The following GNAI1 variants were observed in gnomAD, a reference collection of about 807,000 sequenced individuals.
GNAI1 encodes the protein G protein subunit alpha i1.
A neutral mutation model predicts 38.9 loss-of-function variants in GNAI1; 11 were observed. The observed-to-expected ratio is 0.28, with a 90% confidence interval of 0.18 to 0.47. GNAI1 has a LOEUF of 0.47. Ranked by LOEUF, GNAI1 falls within the 20% of genes least tolerant of loss-of-function variation. GNAI1 has a pLI of 0.99. For synonymous variants in GNAI1, 166 were observed against 145.1 expected (o/e 1.14, Z -1.04); for missense variants, 317 against 436.9 (o/e 0.73, Z 2.45).
chr7:80,204,866 C>T (rs1488887997), intron 5 of GNAI1, among the ~76,000 whole-genome samples: 5 of 152,266 alleles, frequency 3.3e-5, no homozygotes, highest in Non-Finnish European at 5.9e-5. Context: ...AACAAAACTT[C>T]TGTATTTTCA....
chr7:80,183,366 G>T (rs894841661), intron 1 of GNAI1, among the ~76,000 whole-genome samples: 9 of 152,048 alleles, frequency 5.9e-5, no homozygotes, highest in African/African-American at 2.2e-4. Flanking sequence ...AAAGAGAAAG[G>T]ATTTTAAATG....
chr7:80,155,267 T>C lies in GNAI1; in HGVS notation c.118+19989T>C, dbSNP rs535019094. On this transcript the variant is annotated intron_variant, in intron 1 of 7. Transcript: ENST00000649796. ...ATATTAATCAAACACAGGAATTATTTTGGTTTTTGGATATTTTAATCAACA... is the reference window on the plus strand; with the variant it reads ...ATATTAATCAAACACAGGAATTATTCTGGTTTTTGGATATTTTAATCAACA... Among the ~76,000 whole-genome samples, 10 of 152,314 alleles carry C rather than the reference T, an allele frequency of 6.6e-5. No individual in the cohort carries two copies. In the East Asian group the frequency reaches 1.2e-3, roughly 18 times the overall value.
intron 4 of GNAI1, among the ~76,000 whole-genome samples, chr7:80,201,249 TGAG>T (rs1361072057): frequency 2.6e-5 from 4 of 152,216 alleles, no homozygotes; most frequent in South Asian, 2.1e-4. Context: ...GTCACTATGA[TGAG>T]AAGATTGCTT....
chr7:80,137,293 C>CTTTTTTTTTTTTCTTTTTTT, intron 1 of GNAI1, among the ~76,000 whole-genome samples: 1 of 95,260 alleles, frequency 1.0e-5, no homozygotes, highest in South Asian at 3.8e-4. Flanking sequence ...TTTCTTTTTT[C>CTTTTTTTTTTTTCTTTTTTT]TTTTTTTTTT....
rs1491060762 is a variant in GNAI1, at chr7:80,219,059, G to GTGTGTT, written c.*1567_*1568insGTGTTT. 6.6e-6 allele frequency: 1 copy of GTGTGTT among 151,424 alleles called. No homozygotes were observed. Among genetic ancestry groups the GTGTGTT allele is most frequent in the Non-Finnish European group, 1.5e-5 (1 of 67,944 alleles). The allele number at this position is 151,424 out of a possible 1,614,324, so 9.4% of individuals were successfully genotyped here. A position where few individuals can be genotyped will look rare whatever the true frequency, so the allele number is the denominator to read the frequency against. On this transcript the variant is annotated 3_prime_UTR_variant, in exon 8 of 8. Coordinates refer to ENST00000649796, the MANE Select transcript of GNAI1 (RefSeq NM_002069.6). ...TGTGTGTGTGTGTGTGTGTGTGTGT[G>GTGTGTT]TAACCATAAACTATATTCATATCTG... is the stretch of plus-strand genomic sequence containing the variant.
At position 80,204,455 on chromosome 7, in the gene GNAI1, G is replaced by A. The variant is rs114651663; in HGVS notation, c.590+623G>A. On this transcript the variant is annotated intron_variant, in intron 5 of 7. Transcript: ENST00000649796. ...CCAGTTCCCTCATTTTAAGATGAAC[G>A]AGGCTCAGGAAAGTTTAGTAAAATA... Among the ~76,000 whole-genome samples, 491 of 152,188 alleles carry A rather than the reference G, an allele frequency of 3.2e-3. 4 individuals are homozygous for A. The highest frequency in any genetic ancestry group is 0.011 in the African/African-American group (464 of 41,534).
At chr7:80,185,712 C>T (rs532116572) in intron 1 of GNAI1, among the ~76,000 whole-genome samples, 5 of 152,230 alleles carry the variant, frequency 3.3e-5, no homozygotes, top group African/African-American at 7.2e-5. Context: ...CGATGTGCAG[C>T]GTTACACTCC....
intron 1 of GNAI1, among the ~76,000 whole-genome samples, chr7:80,181,338 TATA>T (rs1236186255): frequency 6.6e-6 from 1 of 152,162 alleles, no homozygotes; most frequent in African/African-American, 2.4e-5. Flanking sequence ...CTTAGGGACT[TATA>T]AACACAAACT....
At chr7:80,189,672 A>C (rs950500378) in intron 3 of GNAI1, among the ~76,000 whole-genome samples, 2 of 152,214 alleles carry the variant, frequency 1.3e-5, no homozygotes, top group Non-Finnish European at 2.9e-5. Flanking sequence ...ACAGTATAAA[A>C]GTTTGCTTAT....
At chr7:80,195,414 T>C (rs1001611545) in intron 3 of GNAI1, among the ~76,000 whole-genome samples, 1 of 151,942 alleles carries the variant, frequency 6.6e-6, no homozygotes, top group African/African-American at 2.4e-5. Flanking sequence ...AAGACATTTT[T>C]ACTTTGATTA....
rs1283103970 is a variant in GNAI1, at chr7:80,221,909, G to T, written c.*4416G>T. 6.6e-6 allele frequency among the ~76,000 whole-genome samples: 1 copy of T among 151,850 alleles called. No homozygotes were observed. Among genetic ancestry groups the T allele is most frequent in the African/African-American group, 2.4e-5 (1 of 41,358 alleles). On this transcript the variant is annotated 3_prime_UTR_variant, in exon 8 of 8. Transcript: ENST00000649796. The stretch of plus-strand genomic sequence containing the variant: ...ACCGCCTCGGCCTCCCAAAGTGCTG[G>T]GATTACAGACGTGAGCCACTGCGCC...
intron 1 of GNAI1, among the ~76,000 whole-genome samples, chr7:80,173,276 T>C (rs1225608726): frequency 6.6e-6 from 1 of 152,224 alleles, no homozygotes; most frequent in African/African-American, 2.4e-5. Context: ...TTTTATATCT[T>C]GTCTAAATAT....
At chr7:80,147,748 A>G (rs1195858229) in intron 1 of GNAI1, among the ~76,000 whole-genome samples, 1 of 152,194 alleles carries the variant, frequency 6.6e-6, no homozygotes, top group East Asian at 1.9e-4. Flanking sequence ...GTGATAAGTA[A>G]TTGCAAAATA....
At chr7:80,217,234 C>CTGACTTCAGTTTCATATGTCTGAAAA in intron 7 of GNAI1, 69 bp from the exon 8 acceptor site, 1 of 1,045,088 alleles carries the variant, frequency 9.6e-7, no homozygotes, top group Non-Finnish European at 1.4e-6. Context: ...ATGTATGAAA[C>CTGACTTCAGTTTCATATGTCTGAAAA]TGAATTCAGT....
chr7:80,162,232 C>G (rs1228057501), intron 1 of GNAI1, among the ~76,000 whole-genome samples: 2 of 152,114 alleles, frequency 1.3e-5, no homozygotes, highest in Non-Finnish European at 2.9e-5. Context: ...TGATCTGAGA[C>G]TTCTAGTTTC....
Position 80,135,063 on chromosome 7 carries a change from C to T in GNAI1, c.-98C>T. ...GGGCGGCGTGGCCCCCGTCGGGAGG[C>T]GTTCGAACGCCCGCTAGGAGAGAGA... On this transcript the variant is annotated 5_prime_UTR_variant, in exon 1 of 8. Coordinates refer to ENST00000649796, the MANE Select transcript of GNAI1 (RefSeq NM_002069.6). 2.8e-6 allele frequency: 2 copies of T among 705,598 alleles called. No individual in the cohort carries two copies. The highest frequency in any genetic ancestry group is 4.2e-6 in the Non-Finnish European group (2 of 478,278). The allele number at this position is 705,598 out of a possible 1,614,324, so 43.7% of individuals were successfully genotyped here.
At chr7:80,179,185 C>T (rs1197547969) in intron 1 of GNAI1, among the ~76,000 whole-genome samples, 1 of 152,128 alleles carries the variant, frequency 6.6e-6, no homozygotes, top group Non-Finnish European at 1.5e-5. Context: ...AACTTAATGA[C>T]TGTGTTATGA....
intron 1 of GNAI1, among the ~76,000 whole-genome samples, chr7:80,182,695 A>G (rs1337493610): frequency 6.6e-6 from 1 of 152,198 alleles, no homozygotes; most frequent in African/African-American, 2.4e-5. Flanking sequence ...TCATTATTAA[A>G]TAAGCATTAA....
Position 80,218,012 on chromosome 7 carries a change from G to C in GNAI1, c.*519G>C, listed in dbSNP as rs1789003378. The C allele has an allele frequency of 6.6e-6, 1 of 152,372 alleles. No individual in the cohort carries two copies. The highest frequency in any genetic ancestry group is 2.4e-5 in the African/African-American group (1 of 41,382). The allele number at this position is 152,372 out of a possible 1,614,324, so 9.4% of individuals were successfully genotyped here. A position where few individuals can be genotyped will look rare whatever the true frequency, so the allele number is the denominator to read the frequency against. ...CCTTATCTAGATTATATGTATACTT[G>C]TATTAATAAAAATGTTATTTGTACA... is the stretch of plus-strand genomic sequence containing the variant. On this transcript the variant is annotated 3_prime_UTR_variant, in exon 8 of 8. Coordinates refer to ENST00000649796, the MANE Select transcript of GNAI1 (RefSeq NM_002069.6).
Sources: gnomAD v4.1 joint callset for allele counts (sites outside exome capture counted in the v4.1 genomes callset) on GRCh38, gnomAD v4.1.1 for gene constraint, MANE v1.5 for transcripts, NCBI Gene and HGNC (gene_info 2026-07-23, HGNC 2026-07-21) for gene names.